Variants in FRMPD4 observed in about 807,000 individuals in gnomAD.
The protein encoded by FRMPD4 is FERM and PDZ domain-containing protein 4.
A neutral mutation model predicts 94.1 loss-of-function variants in FRMPD4; 22 were observed. The observed-to-expected ratio is 0.23, with a 90% CI of 0.17 to 0.33. FRMPD4 has a LOEUF of 0.33. Among genes scored for constraint, FRMPD4 ranks in the 10% least tolerant of loss-of-function variants. The probability of loss-of-function intolerance (pLI) is 1.00; values close to 1 mark genes in which losing one functional copy is unlikely to be tolerated. For missense variants in FRMPD4, 1,111 were observed against 1,339.9 expected, an observed-to-expected ratio of 0.83 and a Z score of 2.67; for synonymous variants, 631 against 548.6, an observed-to-expected ratio of 1.15 and a Z score of -2.10.
intron 14 of FRMPD4, 68 bp from the exon 15 acceptor site, chrX:12,716,001 T>TGGGCCC: frequency 6.5e-5 from 15 of 231,615 alleles, no homozygotes; most frequent in East Asian, 4.2e-4. Context: ...GAGACGAGCC[T>TGGGCCC]CCCACCCCCG....
At chrX:11,989,746 T>G (rs1671187271) in intron 3 of FRMPD4, among the ~76,000 whole-genome samples, 1 of 111,708 alleles carries the variant, frequency 9.0e-6, no homozygotes, top group Non-Finnish European at 1.9e-5. Flanking sequence ...AAGTATCTCA[T>G]GTACCCCATA....
At chrX:11,857,499 C>T (rs1303183082) in intron 1 of FRMPD4, among the ~76,000 whole-genome samples, 9 of 112,494 alleles carry the variant, frequency 8.0e-5, no homozygotes, top group Non-Finnish European at 1.9e-5. Flanking sequence ...AACTACCTAG[C>T]CGCGTGCAGA....
intron 3 of FRMPD4, among the ~76,000 whole-genome samples, chrX:11,979,456 T>C (rs1382261652): frequency 8.9e-6 from 1 of 112,278 alleles, no homozygotes; most frequent in Non-Finnish European, 1.9e-5. Flanking sequence ...GTTAACTAAT[T>C]AATGCCAAGT....
At chrX:12,475,152 T>C (rs2057577147) in intron 1 of FRMPD4, among the ~76,000 whole-genome samples, 1 of 111,964 alleles carries the variant, frequency 8.9e-6, no homozygotes, top group Non-Finnish European at 1.9e-5. Flanking sequence ...GCAAGGCTGG[T>C]TCAACATACC....
chrX:11,958,064 C>A (rs978256459), intron 3 of FRMPD4, among the ~76,000 whole-genome samples: 9 of 111,924 alleles, frequency 8.0e-5, no homozygotes, highest in Non-Finnish European at 1.7e-4. Flanking sequence ...TTTTTGAGCA[C>A]TTAATACATT....
chrX:12,136,976 G>A (rs1358035743), upstream of FRMPD4, among the ~76,000 whole-genome samples: 1 of 107,200 alleles, frequency 9.3e-6, no homozygotes, highest in African/African-American at 3.4e-5. Flanking sequence ...ATAGATTATG[G>A]CATAAAAATA....
At chrX:12,245,391 T>C (rs1297859645) in intron 1 of FRMPD4, among the ~76,000 whole-genome samples, 2 of 111,418 alleles carry the variant, frequency 1.8e-5, no homozygotes, top group South Asian at 3.8e-4. Flanking sequence ...AGAACCCAAG[T>C]GTTGAGAAGT....
At chrX:11,968,477 G>A (rs1029008382) in intron 3 of FRMPD4, among the ~76,000 whole-genome samples, 4 of 111,437 alleles carry the variant, frequency 3.6e-5, no homozygotes, top group East Asian at 2.8e-4. Flanking sequence ...GCCTGGACTC[G>A]TGAACTGCTA....
intron 14 of FRMPD4, 68 bp from the exon 15 acceptor site, chrX:12,716,001 T>TGGGGGGGCC: frequency 4.3e-6 from 1 of 231,656 alleles, no homozygotes; most frequent in Admixed American, 5.0e-5. Flanking sequence ...GAGACGAGCC[T>TGGGGGGGCC]CCCACCCCCG....
intron 10 of FRMPD4, among the ~76,000 whole-genome samples, chrX:12,702,830 T>C (rs961093881): frequency 6.2e-5 from 7 of 112,272 alleles, no homozygotes; most frequent in Non-Finnish European, 1.1e-4. Context: ...AGTTCACTCC[T>C]TCCAGATGCT....
rs1437973510 is a variant in FRMPD4, at chrX:12,138,597, C to G, written c.-375C>G. The stretch of plus-strand genomic sequence containing the variant: ...GGGCCGGGAAGCCAGAGCAGCGCCT[C>G]TCGCCCAGGCCTCGCTTTCTCTGGA... On this transcript the variant is annotated 5_prime_UTR_variant, in exon 1 of 17. Transcript: ENST00000675598. 7.2e-6 allele frequency: 2 copies of G among 277,418 alleles called. No homozygotes were observed. The highest frequency in any genetic ancestry group is 6.3e-5 in the Admixed American group (1 of 15,769). 22.9% of individuals were successfully genotyped at this position (277,418 alleles called of 1,213,427 possible).
chrX:12,124,355 G>A lies in FRMPD4; in HGVS notation c.95+246337G>A, dbSNP rs754114200. Among the ~76,000 whole-genome samples, 4 of 112,035 alleles carry A rather than the reference G, an allele frequency of 3.6e-5. No homozygotes were observed. The South Asian group carries it at 1.5e-3, about 42-fold the overall frequency. On this transcript the variant is annotated intron_variant, in intron 3 of 18. Coordinates refer to the FRMPD4 transcript ENST00000640291. ...CACACTAGAAGGTAGGTTCTACAAT[G>A]GGAGGACCCATTGGGGTTTCTTTAT...
At chrX:11,934,677 T>C (rs1457982547) in intron 3 of FRMPD4, among the ~76,000 whole-genome samples, 3 of 112,044 alleles carry the variant, frequency 2.7e-5, no homozygotes, top group Non-Finnish European at 5.6e-5. Flanking sequence ...GTTACATACA[T>C]GTGTTCCTTT....
chrX:11,930,783 T>A (rs1395759578), intron 3 of FRMPD4, among the ~76,000 whole-genome samples: 1 of 111,641 alleles, frequency 9.0e-6, no homozygotes, highest in Non-Finnish European at 1.9e-5. Context: ...TTTGATAATC[T>A]TTAAGATTGA....
At chrX:11,955,030 G>C (rs1176162381) in intron 3 of FRMPD4, among the ~76,000 whole-genome samples, 1 of 111,517 alleles carries the variant, frequency 9.0e-6, no homozygotes, top group South Asian at 3.8e-4. Context: ...AGACTGAAAA[G>C]TCCATGTTCA....
intron 1 of FRMPD4, among the ~76,000 whole-genome samples, chrX:12,477,984 G>A (rs186604337): frequency 6.3e-5 from 7 of 111,940 alleles, no homozygotes; most frequent in Admixed American, 2.8e-4. Flanking sequence ...ATGAAAAATT[G>A]GAGCACTCAA....
chrX:12,618,887 T>C (rs753088132), intron 4 of FRMPD4, among the ~76,000 whole-genome samples: 2 of 111,829 alleles, frequency 1.8e-5, no homozygotes, highest in Non-Finnish European at 3.8e-5. Context: ...CTAAAGTTAG[T>C]CCCAGTTTTA....
intron 2 of FRMPD4, among the ~76,000 whole-genome samples, chrX:12,499,008 G>A (rs1416472699): frequency 9.1e-6 from 1 of 110,308 alleles, no homozygotes; most frequent in Non-Finnish European, 1.9e-5. Context: ...GTGATGTTGG[G>A]TTGCTTCATT....
chrX:12,462,838 A>AAATT (rs1271528520), intron 1 of FRMPD4, among the ~76,000 whole-genome samples: 2 of 111,093 alleles, frequency 1.8e-5, no homozygotes, highest in African/African-American at 6.5e-5. Context: ...AAAATTTTAA[A>AAATT]AATTAGCCAT....
Sources: allele counts gnomAD v4.1 joint callset (sites outside exome capture counted in the v4.1 genomes callset), GRCh38; gene constraint gnomAD v4.1.1; transcripts MANE v1.5; gene names NCBI Gene and HGNC (gene_info 2026-07-23, HGNC 2026-07-21).